Variants in SGCE observed in about 807,000 individuals in gnomAD.
SGCE encodes the protein sarcoglycan epsilon, also known as epsilon-sarcoglycan.
Under a neutral mutation model 57.8 loss-of-function variants are expected in SGCE, and 26 were observed. The ratio of observed to expected loss-of-function variants is 0.45; its 90% CI spans 0.33 to 0.62. The LOEUF (loss-of-function observed/expected upper bound fraction) is 0.62, where lower values mean the gene tolerates loss of function less well. Ranked by LOEUF, SGCE falls within the 20% of genes least tolerant of loss-of-function variation. The pLI, the probability that SGCE is intolerant of heterozygous loss-of-function variation, is 0.02. For missense variants in SGCE, 468 were observed against 548.6 expected (o/e 0.85, Z 1.47); for synonymous variants, 183 against 189.5 (o/e 0.97, Z 0.28).
At chr7:94,628,511 T>G in intron 2 of SGCE, 152 bp from the exon 3 acceptor site, 1 of 602,792 alleles carries the variant, frequency 1.7e-6, no homozygotes, top group East Asian at 2.8e-5. Context: ...GAATTTAAAT[T>G]AGGGCACCAC....
intron 9 of SGCE, among the ~76,000 whole-genome samples, chr7:94,591,095 C>T (rs968940087): frequency 6.6e-6 from 1 of 152,086 alleles, no homozygotes; most frequent in African/African-American, 2.4e-5. Flanking sequence ...CTTGTGTAGG[C>T]TAGAGGAGTA....
chr7:94,612,868 G>C (rs1801273095), intron 5 of SGCE, among the ~76,000 whole-genome samples: 1 of 151,854 alleles, frequency 6.6e-6, no homozygotes, highest in South Asian at 2.1e-4. Context: ...CCATCTCTTT[G>C]ACTCCTCTCC....
intron 1 of SGCE, among the ~76,000 whole-genome samples, chr7:94,639,153 A>G (rs1172436843): frequency 6.6e-6 from 1 of 152,204 alleles, no homozygotes; most frequent in Non-Finnish European, 1.5e-5. Context: ...CTTGAAAAAT[A>G]ATGGAATAAG....
chr7:94,640,425 T>C (rs1806219053), intron 1 of SGCE, among the ~76,000 whole-genome samples: 3 of 152,218 alleles, frequency 2.0e-5, no homozygotes, highest in Non-Finnish European at 4.4e-5. Flanking sequence ...TTATTGATCC[T>C]GTTTTTCACC....
At chr7:94,646,763 T>A (rs1018677959) in intron 1 of SGCE, among the ~76,000 whole-genome samples, 4 of 152,210 alleles carry the variant, frequency 2.6e-5, no homozygotes, top group African/African-American at 7.2e-5. Context: ...AATGCTCACA[T>A]GCTCTTTCCA....
At chr7:94,593,361 T>A (rs1797954904) in intron 9 of SGCE, among the ~76,000 whole-genome samples, 1 of 151,988 alleles carries the variant, frequency 6.6e-6, no homozygotes, top group South Asian at 2.1e-4. Context: ...TCCCCAATTA[T>A]TCATTACCTA....
chr7:94,629,005 C>A (rs904230272), intron 2 of SGCE: 1 of 152,234 alleles, frequency 6.6e-6, no homozygotes, highest in African/African-American at 2.4e-5. Flanking sequence ...TTTTCAGGTA[C>A]AGTATTCATC....
chr7:94,586,706 C>G (rs185746195), intron 10 of SGCE: 3 of 302,934 alleles, frequency 9.9e-6, no homozygotes, highest in Non-Finnish European at 1.5e-5. Flanking sequence ...TTCGCCATGT[C>G]GGGCAGGCTG....
chr7:94,588,629 A>C, intron 10 of SGCE, 60 bp downstream of exon 10: 1 of 1,556,218 alleles, frequency 6.4e-7, no homozygotes, highest in Non-Finnish European at 8.8e-7. Context: ...TAGTGCCATA[A>C]TTATCTTTTA....
rs994811406 is a variant in SGCE, at chr7:94,588,015, G to A, written c.1297+674C>T. On this transcript the variant is annotated intron_variant, in intron 10 of 10. Transcript: ENST00000648936. ...CCAAAAGAGCTACAAAGGCATTAAT[G>A]GTTCCCTGGCAATTAGAACTAGGAA... 3 of 1,391,068 alleles carry A rather than the reference G, an allele frequency of 2.2e-6. No individual in the cohort carries two copies. The East Asian group carries it at 8.2e-5, about 38-fold the overall frequency. The allele number at this position is 1,391,068 out of a possible 1,614,324, so 86.2% of individuals were successfully genotyped here.
intron 1 of SGCE, among the ~76,000 whole-genome samples, chr7:94,637,439 G>A (rs1045499044): frequency 7.9e-5 from 12 of 152,218 alleles, no homozygotes; most frequent in South Asian, 4.1e-4. Flanking sequence ...TGTGATAATC[G>A]AAACTCTTTA....
At chr7:94,602,886 A>C (rs1799500074) in intron 6 of SGCE, among the ~76,000 whole-genome samples, 2 of 152,158 alleles carry the variant, frequency 1.3e-5, no homozygotes, top group African/African-American at 4.8e-5. Flanking sequence ...ATCATAGCAC[A>C]ATACTGCTTT....
chr7:94,588,087 A>ATAGAGATG, intron 10 of SGCE: 1 of 1,230,316 alleles, frequency 8.1e-7, no homozygotes, highest in Non-Finnish European at 1.0e-6. Flanking sequence ...TCTACTCAGT[A>ATAGAGATG]TAGAGATGAA....
intron 1 of SGCE, among the ~76,000 whole-genome samples, chr7:94,641,854 G>A (rs2117049638): frequency 6.6e-6 from 1 of 152,128 alleles, no homozygotes; most frequent in East Asian, 1.9e-4. Context: ...TGCCCAGGCT[G>A]GACTAGAACT....
At chr7:94,588,496 G>A in intron 10 of SGCE, 193 bp downstream of exon 10, 1 of 1,413,738 alleles carries the variant, frequency 7.1e-7, no homozygotes, top group Admixed American at 2.7e-5. Context: ...TTTACCCTGT[G>A]TTTATCATTC....
intron 3 of SGCE, chr7:94,625,001 A>T (rs1044524923): frequency 6.6e-6 from 1 of 152,064 alleles, no homozygotes; most frequent in Non-Finnish European, 1.5e-5. Flanking sequence ...TAGTCCTTCT[A>T]TCACTTCCAA....
intron 4 of SGCE, chr7:94,619,264 T>C (rs926728402): frequency 4.1e-6 from 1 of 245,556 alleles, no homozygotes; most frequent in East Asian, 1.0e-4. Flanking sequence ...AAATTTATAA[T>C]ATTACTGATC....
chr7:94,622,314 G>A (rs1263954182), intron 4 of SGCE: 1 of 152,056 alleles, frequency 6.6e-6, no homozygotes, highest in Non-Finnish European at 1.5e-5. Flanking sequence ...ACATAGGGAG[G>A]ATCATTCCAT....
At position 94,618,810 on chromosome 7, in the gene SGCE, C is replaced by T. The variant is rs868284377; in HGVS notation, c.610G>A (p.Ala204Thr). 4 of 1,613,868 alleles carry T rather than the reference C, an allele frequency of 2.5e-6. No individual in the cohort carries two copies. The highest frequency in any genetic ancestry group is 1.3e-5 in the African/African-American group (1 of 74,894). The change falls in exon 5 of 11, where the codon GCC (alanine) becomes ACC (threonine). Residue 204 changes from alanine to threonine, a missense_variant. Transcript: ENST00000648936. Reference sequence around the variant, plus strand: ...GGCACCCTGCCACCCCTGTCTAGGGCCGATGTGATGTTTATGGCGTTCAGG... The same window carrying T: ...GGCACCCTGCCACCCCTGTCTAGGGTCGATGTGATGTTTATGGCGTTCAGG... ...ERLNAINITS[A>T]LDRGGRVPLP...
Sources: allele counts gnomAD v4.1 joint callset (sites outside exome capture counted in the v4.1 genomes callset), GRCh38; gene constraint gnomAD v4.1.1; transcripts MANE v1.5; gene names NCBI Gene and HGNC (gene_info 2026-07-23, HGNC 2026-07-21).